The following TP63 variants were observed in gnomAD, a reference collection of about 807,000 sequenced individuals.
TP63 encodes tumor protein 63.
In TP63, 17 loss-of-function variants were observed where a neutral mutation model predicts 82.8. The observed-to-expected ratio is 0.21, with a 90% confidence interval of 0.14 to 0.31. TP63 has a LOEUF of 0.31. Ranked by LOEUF, TP63 falls within the 10% of genes least tolerant of loss-of-function variation. TP63 has a pLI of 1.00. For synonymous variants in TP63, 330 were observed against 321.7 expected, an observed-to-expected ratio of 1.03 and a Z score of -0.28; for missense variants, 648 against 895.3, an observed-to-expected ratio of 0.72 and a Z score of 3.52.
At chr3:189,707,670 T>G (rs1349659553) in intron 1 of TP63, among the ~76,000 whole-genome samples, 1 of 152,166 alleles carries the variant, frequency 6.6e-6, no homozygotes, top group Non-Finnish European at 1.5e-5. Flanking sequence ...TAGAAAATGA[T>G]TACTTTAAAA....
chr3:189,642,809 G>T (rs983483923), intron 1 of TP63, among the ~76,000 whole-genome samples: 2 of 151,972 alleles, frequency 1.3e-5, no homozygotes, highest in Admixed American at 1.3e-4. Context: ...AATAGTAAGT[G>T]CCTTAACTTT....
chr3:189,730,128 G>C (rs1387076517), intron 1 of TP63, among the ~76,000 whole-genome samples: 1 of 152,156 alleles, frequency 6.6e-6, no homozygotes, highest in African/African-American at 2.4e-5. Flanking sequence ...TGGATGGATA[G>C]GTGGAAGAAG....
chr3:189,709,433 T>C (rs1718433856), intron 1 of TP63, among the ~76,000 whole-genome samples: 1 of 152,162 alleles, frequency 6.6e-6, no homozygotes, highest in Non-Finnish European at 1.5e-5. Context: ...TTTCTTTTAT[T>C]TTTCCACTAT....
chr3:189,895,957 A>C lies in TP63; in HGVS notation c.*1455A>C, dbSNP rs1721434664. On this transcript the variant is annotated 3_prime_UTR_variant, in exon 14 of 14. Transcript: ENST00000264731. ...CATCTCCCTTAGGGACTACCCATAG[A>C]CATGAAAGGTCCCCACAGAGCAAGA... 1 of 229,640 alleles carries C rather than the reference A, an allele frequency of 4.4e-6. No individual in the cohort carries two copies. The highest frequency in any genetic ancestry group is 8.6e-6 in the Non-Finnish European group (1 of 115,810). The allele number at this position is 229,640 out of a possible 1,614,324, so 14.2% of individuals were successfully genotyped here.
intron 3 of TP63, among the ~76,000 whole-genome samples, chr3:189,776,328 C>G (rs954557658): frequency 6.6e-6 from 1 of 152,108 alleles, no homozygotes; most frequent in Non-Finnish European, 1.5e-5. Context: ...GTGTTTCCCT[C>G]CAGAGACGGA....
At chr3:189,723,426 C>T (rs1001038288) in intron 1 of TP63, among the ~76,000 whole-genome samples, 1 of 152,158 alleles carries the variant, frequency 6.6e-6, no homozygotes, top group Non-Finnish European at 1.5e-5. Context: ...TTAAACAATG[C>T]CTGTCAGGCA....
intron 4 of TP63, among the ~76,000 whole-genome samples, chr3:189,836,280 C>G (rs905589213): frequency 1.3e-5 from 2 of 152,064 alleles, no homozygotes; most frequent in Admixed American, 1.3e-4. Context: ...AACTGGCAAA[C>G]AATATGAAAC....
chr3:189,635,143 C>T (rs1220977766), intron 1 of TP63, among the ~76,000 whole-genome samples: 1 of 152,010 alleles, frequency 6.6e-6, no homozygotes, highest in African/African-American at 2.4e-5. Flanking sequence ...TGTATTGTTT[C>T]TTCTTAGTCA....
At chr3:189,787,197 C>T (rs528987707) in intron 3 of TP63, among the ~76,000 whole-genome samples, 73 of 152,080 alleles carry the variant, frequency 4.8e-4, no homozygotes, top group Non-Finnish European at 9.4e-4. Flanking sequence ...TGCAGCTTGA[C>T]TACTTCACTT....
intron 1 of TP63, among the ~76,000 whole-genome samples, chr3:189,730,822 C>T (rs551437195): frequency 6.6e-6 from 1 of 152,288 alleles, no homozygotes; most frequent in African/African-American, 2.4e-5. Context: ...GATCTAGTAG[C>T]ATCAATGAGC....
At chr3:189,604,644 CCAT>C in the TP63 span, among the ~76,000 whole-genome samples, 1 of 152,012 alleles carries the variant, frequency 6.6e-6, no homozygotes, top group Non-Finnish European at 1.5e-5. Flanking sequence ...TAAAATTTAA[CCAT>C]GAGTTTGCAA....
chr3:189,838,884 A>G (rs751504972), intron 4 of TP63, among the ~76,000 whole-genome samples: 7 of 152,166 alleles, frequency 4.6e-5, no homozygotes, highest in Non-Finnish European at 8.8e-5. Flanking sequence ...CAATTTGCCT[A>G]TAGGATAGTA....
At chr3:189,716,021 T>A (rs1052091954) in intron 1 of TP63, among the ~76,000 whole-genome samples, 4 of 152,172 alleles carry the variant, frequency 2.6e-5, no homozygotes, top group African/African-American at 7.2e-5. Context: ...ACTATATACA[T>A]CTCATTTACT....
chr3:189,610,487 A>G, the TP63 span, among the ~76,000 whole-genome samples: 2 of 152,150 alleles, frequency 1.3e-5, no homozygotes, highest in African/African-American at 4.8e-5. Context: ...AAACGTAGCA[A>G]GAGTCACCTT....
chr3:189,864,353 C>G lies in TP63; in HGVS notation c.701C>G (p.Ala234Gly). The change falls in exon 5 of 14, where the codon GCT becomes GGT. Residue 234 changes from alanine (A) to glycine (G), a missense_variant. By Grantham distance (60) the Ala-to-Gly change is moderately conservative. Coordinates refer to ENST00000264731, the MANE Select transcript of TP63 (RefSeq NM_003722.5). ...CGCGCCATGCCTGTCTACAAAAAAG[C>G]TGAGCACGTCACGGAGGTGGTGAAG... Reference protein sequence around the residue: ...VIRAMPVYKKAEHVTEVVKRC... With the variant: ...VIRAMPVYKKGEHVTEVVKRC... The G allele has an allele frequency of 6.2e-7, 1 of 1,614,134 alleles. No individual in the cohort carries two copies. The highest frequency in any genetic ancestry group is 8.5e-7 in the Non-Finnish European group (1 of 1,180,026).
intron 3 of TP63, among the ~76,000 whole-genome samples, chr3:189,761,734 A>G (rs1023403535): frequency 3.3e-5 from 5 of 152,124 alleles, no homozygotes; most frequent in Admixed American, 2.0e-4. Context: ...TCCATTTTAC[A>G]CTACTGATAT....
chr3:189,699,047 C>T (rs1717607827), intron 1 of TP63, among the ~76,000 whole-genome samples: 1 of 152,102 alleles, frequency 6.6e-6, no homozygotes, highest in African/African-American at 2.4e-5. Flanking sequence ...ATGAGATGGC[C>T]AACATGGTTC....
chr3:189,783,384 T>C (rs1022337704), intron 3 of TP63, among the ~76,000 whole-genome samples: 2 of 151,994 alleles, frequency 1.3e-5, no homozygotes, highest in African/African-American at 4.8e-5. Flanking sequence ...AAAATGCTAA[T>C]GGTGTCTACG....
At chr3:189,624,092 A>G in the TP63 span, among the ~76,000 whole-genome samples, 3 of 152,182 alleles carry the variant, frequency 2.0e-5, no homozygotes, top group Non-Finnish European at 4.4e-5. Context: ...GTTTATGCTG[A>G]GTATTAATTT....
Sources: gnomAD v4.1 joint callset for allele counts (sites outside exome capture counted in the v4.1 genomes callset) on GRCh38, gnomAD v4.1.1 for gene constraint, MANE v1.5 for transcripts, NCBI Gene and HGNC (gene_info 2026-07-23, HGNC 2026-07-21) for gene names.